The following CRYBA4 variants were observed in gnomAD, a reference collection of about 807,000 sequenced individuals.
CRYBA4 encodes the protein beta-crystallin A4.
CRYBA4 carries 30 observed loss-of-function variants against 31.7 expected under a neutral mutation model. The ratio of observed to expected loss-of-function variants is 0.95; its 90% CI spans 0.71 to 1.28. The LOEUF (loss-of-function observed/expected upper bound fraction) is 1.28. Among genes scored for constraint, CRYBA4 ranks in the 50% most tolerant of loss-of-function variants. CRYBA4 has a pLI of 0.00. For missense variants in CRYBA4, 225 were observed against 260.7 expected, an observed-to-expected ratio of 0.86 and a Z score of 0.94; for synonymous variants, 102 against 102.3, an observed-to-expected ratio of 1.00 and a Z score of 0.02.
At chr22:26,627,454 C>T (rs1009569125) in intron 4 of CRYBA4, among the ~76,000 whole-genome samples, 1 of 104,324 alleles carries the variant, frequency 9.6e-6, no homozygotes, top group Non-Finnish European at 1.8e-5. Flanking sequence ...TTCCTTCTTT[C>T]TTTTTCTTTC....
chr22:26,621,419 G>A (rs1291806894), upstream of CRYBA4, among the ~76,000 whole-genome samples: 1 of 152,102 alleles, frequency 6.6e-6, no homozygotes, highest in African/African-American at 2.4e-5. Context: ...ATCTCACTCT[G>A]TACATATCTT....
intron 3 of CRYBA4, among the ~76,000 whole-genome samples, chr22:26,624,615 G>T (rs1166367114): frequency 1.3e-5 from 2 of 152,208 alleles, no homozygotes; most frequent in Non-Finnish European, 2.9e-5. Flanking sequence ...GGGAATGGGG[G>T]TCAGATGGGA....
the CRYBA4 span, among the ~76,000 whole-genome samples, chr22:26,592,279 G>A: frequency 1.3e-5 from 2 of 152,206 alleles, no homozygotes; most frequent in Non-Finnish European, 2.9e-5. Context: ...TAACATTCTA[G>A]CAATGGCATT....
intron 1 of CRYBA4, among the ~76,000 whole-genome samples, 165 bp downstream of exon 1, chr22:26,622,151 C>T (rs907443415): frequency 5.3e-5 from 8 of 152,120 alleles, no homozygotes; most frequent in African/African-American, 1.7e-4. Context: ...GCACCTGCTT[C>T]CCTCATTTAA....
At chr22:26,611,865 C>T in the CRYBA4 span, among the ~76,000 whole-genome samples, 4 of 152,280 alleles carry the variant, frequency 2.6e-5, no homozygotes, top group East Asian at 7.7e-4. Context: ...AATTGGATCA[C>T]CTCTCCGAGC....
At chr22:26,630,257 G>A (rs941238995) in intron 5 of CRYBA4, 83 bp from the exon 6 acceptor site, 30 of 1,556,982 alleles carry the variant, frequency 1.9e-5, no homozygotes, top group East Asian at 6.8e-5. Flanking sequence ...AATTGTGTGC[G>A]TGTGCATAGA....
the CRYBA4 span, among the ~76,000 whole-genome samples, chr22:26,615,450 G>A: frequency 7.2e-5 from 11 of 152,266 alleles, no homozygotes; most frequent in East Asian, 2.1e-3. Flanking sequence ...CCCTTCAGCT[G>A]TGAAGCGGTA....
At chr22:26,629,046 G>A (rs1159179207) in intron 5 of CRYBA4, among the ~76,000 whole-genome samples, 3 of 152,188 alleles carry the variant, frequency 2.0e-5, no homozygotes, top group Non-Finnish European at 4.4e-5. Flanking sequence ...AATGCCCCTA[G>A]CCATAAAACA....
chr22:26,594,453 G>A, the CRYBA4 span, among the ~76,000 whole-genome samples: 226 of 152,322 alleles, frequency 1.5e-3, 2 homozygotes, highest in Middle Eastern at 3.4e-3. Flanking sequence ...CGATGAGAAT[G>A]AGAGCCGCTC....
At chr22:26,593,524 TTTTA>T in the CRYBA4 span, among the ~76,000 whole-genome samples, 1 of 152,046 alleles carries the variant, frequency 6.6e-6, no homozygotes, top group Non-Finnish European at 1.5e-5. Context: ...TTTATTTTTA[TTTTA>T]TTTATTTATT....
chr22:26,601,613 A>G, the CRYBA4 span, among the ~76,000 whole-genome samples: 1 of 121,212 alleles, frequency 8.3e-6, no homozygotes, highest in African/African-American at 3.3e-5. Flanking sequence ...CTTCAACCCC[A>G]ACTAGGCTTA....
chr22:26,590,585 A>G, the CRYBA4 span, among the ~76,000 whole-genome samples: 5 of 152,158 alleles, frequency 3.3e-5, no homozygotes, highest in Admixed American at 2.0e-4. Flanking sequence ...CTCTCCATTT[A>G]TCAGGGATTT....
the CRYBA4 span, among the ~76,000 whole-genome samples, chr22:26,592,400 A>G: frequency 6.6e-6 from 1 of 152,270 alleles, no homozygotes; most frequent in Non-Finnish European, 1.5e-5. Context: ...GAGCACCTGT[A>G]ACTGATGAGG....
At chr22:26,611,750 A>T in the CRYBA4 span, among the ~76,000 whole-genome samples, 5 of 152,216 alleles carry the variant, frequency 3.3e-5, no homozygotes, top group Non-Finnish European at 5.9e-5. Flanking sequence ...CTGGGATTAC[A>T]GGCGTGAGCC....
the CRYBA4 span, among the ~76,000 whole-genome samples, chr22:26,614,969 G>A: frequency 3.3e-5 from 5 of 152,164 alleles, no homozygotes; most frequent in African/African-American, 1.2e-4. Flanking sequence ...CCTGGAGTTG[G>A]GGAGGAAAAT....
chr22:26,612,059 G>T, the CRYBA4 span: 3 of 1,591,210 alleles, frequency 1.9e-6, no homozygotes, highest in Non-Finnish European at 2.6e-6. Flanking sequence ...CCCCTCCGCC[G>T]CCCAGTACTC....
upstream of CRYBA4, among the ~76,000 whole-genome samples, chr22:26,619,652 G>A (rs1929469670): frequency 1.3e-5 from 2 of 152,164 alleles, no homozygotes; most frequent in South Asian, 2.1e-4. Flanking sequence ...GCACCCCCTC[G>A]CTTCCTAGCC....
At chr22:26,600,035 A>C in the CRYBA4 span, among the ~76,000 whole-genome samples, 1 of 152,248 alleles carries the variant, frequency 6.6e-6, no homozygotes, top group Non-Finnish European at 1.5e-5. Context: ...AACAAATCCA[A>C]GGAAGCAAGA....
intron 4 of CRYBA4, among the ~76,000 whole-genome samples, chr22:26,627,127 A>G (rs1479787998): frequency 6.6e-6 from 1 of 152,174 alleles, no homozygotes; most frequent in Admixed American, 6.5e-5. Flanking sequence ...AGCAGTTTGC[A>G]ACTCCTGATT....
Sources: gnomAD v4.1 joint callset for allele counts (sites outside exome capture counted in the v4.1 genomes callset) on GRCh38, gnomAD v4.1.1 for gene constraint, MANE v1.5 for transcripts, NCBI Gene and HGNC (gene_info 2026-07-23, HGNC 2026-07-21) for gene names.